The following ASPH variants were observed in gnomAD, a reference collection of about 807,000 sequenced individuals.
The protein encoded by ASPH is aspartyl/asparaginyl beta-hydroxylase.
ASPH carries 100 observed loss-of-function variants against 118.4 expected under a neutral mutation model. That is an observed-to-expected ratio of 0.84 (90% confidence interval 0.72 to 1.00). ASPH has a LOEUF of 1.00. Among genes scored for constraint, ASPH ranks in the 50% least tolerant of loss-of-function variants. The pLI is 0.00. For synonymous variants in ASPH, 315 were observed against 325.6 expected, an observed-to-expected ratio of 0.97 and a Z score of 0.35; for missense variants, 920 against 919.5, an observed-to-expected ratio of 1.00 and a Z score of -0.01.
intron 21 of ASPH, among the ~76,000 whole-genome samples, chr8:61,543,275 C>T (rs963356836): frequency 2.0e-5 from 3 of 152,076 alleles, no homozygotes; most frequent in Admixed American, 2.0e-4. Context: ...TACACTTGAT[C>T]GTGCTCCATA....
At chr8:61,541,983 A>G (rs900410021) in intron 21 of ASPH, among the ~76,000 whole-genome samples, 1 of 152,234 alleles carries the variant, frequency 6.6e-6, no homozygotes, top group African/African-American at 2.4e-5. Context: ...ACTGGCAAGC[A>G]AACAGATTTT....
intron 21 of ASPH, among the ~76,000 whole-genome samples, chr8:61,536,767 A>G (rs1314700426): frequency 6.6e-6 from 1 of 151,724 alleles, no homozygotes; most frequent in Non-Finnish European, 1.5e-5. Flanking sequence ...GGCTTCCTGC[A>G]AGTCTGACTT....
At chr8:61,577,065 AAGAC>A (rs1835397188) in intron 15 of ASPH, among the ~76,000 whole-genome samples, 1 of 152,110 alleles carries the variant, frequency 6.6e-6, no homozygotes, top group South Asian at 2.1e-4. Flanking sequence ...CATTTTTAAA[AAGAC>A]AGAAGGACAG....
chr8:61,656,518 G>C (rs998721641), intron 3 of ASPH: 8 of 152,122 alleles, frequency 5.3e-5, no homozygotes, highest in African/African-American at 1.9e-4. Flanking sequence ...ATCAGGACTG[G>C]GACCCACTTC....
intron 14 of ASPH, among the ~76,000 whole-genome samples, chr8:61,617,279 C>CA (rs1197298024): frequency 6.6e-6 from 1 of 152,068 alleles, no homozygotes. Flanking sequence ...AACATCCATC[C>CA]AAAGAGCCTG....
intron 3 of ASPH, among the ~76,000 whole-genome samples, chr8:61,677,870 A>G (rs1826133479): frequency 6.6e-6 from 1 of 152,198 alleles, no homozygotes; most frequent in South Asian, 2.1e-4. Context: ...ATCCTTCAGT[A>G]TGACAGATGA....
chr8:61,567,479 T>C (rs377646139), intron 16 of ASPH, among the ~76,000 whole-genome samples, 161 bp from the exon 17 acceptor site: 1 of 152,172 alleles, frequency 6.6e-6, no homozygotes, highest in Admixed American at 6.5e-5. Flanking sequence ...TAACAAAAGA[T>C]AGAAAATCAA....
chr8:61,638,506 T>G lies in ASPH; in HGVS notation c.791-143A>C, dbSNP rs1012341118. 7.0e-6 allele frequency: 5 copies of G among 711,454 alleles called. No individual in the cohort carries two copies. The Admixed American group carries it at 8.9e-5, about 13-fold the overall frequency. 44.1% of individuals were successfully genotyped at this position (711,454 alleles called of 1,614,324 possible). On this transcript the variant is annotated intron_variant, in intron 10 of 24. Transcript: ENST00000379454. The stretch of plus-strand genomic sequence containing the variant: ...CACTGGGAAACAGCCGACTAGAGAG[T>G]AGGGTGGAGAAGAGTTTGGTCTAGG...
At chr8:61,679,114 T>G (rs979915490) in intron 3 of ASPH, among the ~76,000 whole-genome samples, 5 of 152,188 alleles carry the variant, frequency 3.3e-5, no homozygotes, top group African/African-American at 1.2e-4. Flanking sequence ...TTAGAGGTGA[T>G]AAGTAAGCCT....
At chr8:61,587,690 G>A (rs1839870322) in intron 14 of ASPH, among the ~76,000 whole-genome samples, 2 of 152,142 alleles carry the variant, frequency 1.3e-5, no homozygotes, top group South Asian at 4.1e-4. Context: ...CTCACAGCAT[G>A]CCACCATGTT....
At chr8:61,595,690 A>G (rs1341955697) in intron 14 of ASPH, among the ~76,000 whole-genome samples, 1 of 152,244 alleles carries the variant, frequency 6.6e-6, no homozygotes, top group Admixed American at 6.5e-5. Flanking sequence ...AAAAGCAGAC[A>G]GAGAGAATAG....
At chr8:61,512,201 G>A (rs1052004066) in intron 24 of ASPH, among the ~76,000 whole-genome samples, 3 of 152,064 alleles carry the variant, frequency 2.0e-5, no homozygotes, top group Non-Finnish European at 4.4e-5. Flanking sequence ...AAGCCGCCCT[G>A]TCCCCCTTCC....
intron 14 of ASPH, among the ~76,000 whole-genome samples, chr8:61,596,733 A>G (rs1477231428): frequency 6.6e-6 from 1 of 152,270 alleles, no homozygotes; most frequent in Non-Finnish European, 1.5e-5. Context: ...AGATACTTCT[A>G]CAGCAAAAAA....
intron 1 of ASPH, among the ~76,000 whole-genome samples, chr8:61,708,491 T>C (rs1480041433): frequency 2.6e-5 from 4 of 151,882 alleles, no homozygotes; most frequent in East Asian, 1.9e-4. Context: ...ACCAAGAAAA[T>C]TGAAATTGAA....
At chr8:61,601,035 TA>T (rs1587919929) in intron 14 of ASPH, among the ~76,000 whole-genome samples, 1 of 151,378 alleles carries the variant, frequency 6.6e-6, no homozygotes, top group African/African-American at 2.5e-5. Flanking sequence ...ATCAATTCAT[TA>T]AGAGAACATA....
intron 8 of ASPH, 72 bp downstream of exon 8, chr8:61,643,873 C>G: frequency 8.6e-7 from 1 of 1,165,984 alleles, no homozygotes; most frequent in Non-Finnish European, 1.3e-6. Flanking sequence ...CAATTGTTAA[C>G]CCTGGAATAA....
intron 1 of ASPH, among the ~76,000 whole-genome samples, chr8:61,704,547 AT>A (rs1836106644): frequency 6.6e-6 from 1 of 152,098 alleles, no homozygotes; most frequent in Non-Finnish European, 1.5e-5. Flanking sequence ...AAATAAAAAA[AT>A]AAAAAGGTAA....
intron 24 of ASPH, among the ~76,000 whole-genome samples, chr8:61,510,386 A>C (rs1808369370): frequency 6.6e-6 from 1 of 152,204 alleles, no homozygotes; most frequent in Non-Finnish European, 1.5e-5. Context: ...AAAGCTCAGG[A>C]TGCATTTTTT....
At chr8:61,534,632 G>A (rs189163497) in intron 21 of ASPH, among the ~76,000 whole-genome samples, 234 of 152,304 alleles carry the variant, frequency 1.5e-3, no homozygotes, top group African/African-American at 5.5e-3. Flanking sequence ...GACACACTCA[G>A]ATGATGATAC....
Sources: gnomAD v4.1 joint callset for allele counts (sites outside exome capture counted in the v4.1 genomes callset) on GRCh38, gnomAD v4.1.1 for gene constraint, MANE v1.5 for transcripts, NCBI Gene and HGNC (gene_info 2026-07-23, HGNC 2026-07-21) for gene names.